The following MACROD2 variants were observed in gnomAD, a reference collection of about 807,000 sequenced individuals.
MACROD2 encodes ADP-ribose glycohydrolase MACROD2.
In MACROD2, 36 loss-of-function variants were observed where a neutral mutation model predicts 70.4. That is an observed-to-expected ratio of 0.51 (90% CI 0.39 to 0.68). MACROD2 has a LOEUF of 0.68. MACROD2 is among the 30% of genes least tolerant of loss of function. The pLI, the probability that MACROD2 is intolerant of heterozygous loss-of-function variation, is 0.00. For synonymous variants in MACROD2, 172 were observed against 178.8 expected (o/e 0.96, Z 0.30); for missense variants, 496 against 538.4 (o/e 0.92, Z 0.78).
intron 8 of MACROD2, among the ~76,000 whole-genome samples, chr20:15,664,497 G>T (rs1252863844): frequency 6.6e-6 from 1 of 152,182 alleles, no homozygotes; most frequent in Non-Finnish European, 1.5e-5. Flanking sequence ...CTAATCATCA[G>T]AGGCTTAAAG....
intron 2 of MACROD2, among the ~76,000 whole-genome samples, chr20:14,071,255 T>TTTA (rs1555915762): frequency 1.1e-5 from 1 of 88,520 alleles, no homozygotes; most frequent in Admixed American, 1.2e-4. Context: ...ATCTTGTGTT[T>TTTA]TTTTTTTTTT....
intron 3 of MACROD2, among the ~76,000 whole-genome samples, chr20:14,204,024 T>G (rs2081502446): frequency 6.6e-6 from 1 of 152,178 alleles, no homozygotes; most frequent in Non-Finnish European, 1.5e-5. Context: ...CTTGGGCCCC[T>G]GAGTGGTACA....
At chr20:15,804,812 G>A (rs2063754544) in intron 8 of MACROD2, among the ~76,000 whole-genome samples, 1 of 152,086 alleles carries the variant, frequency 6.6e-6, no homozygotes, top group Admixed American at 6.6e-5. Context: ...CCCTGTTACA[G>A]CCCATTTAGC....
intron 3 of MACROD2, among the ~76,000 whole-genome samples, chr20:14,112,409 G>T (rs2054463304): frequency 5.9e-5 from 9 of 151,866 alleles, no homozygotes; most frequent in Admixed American, 5.9e-4. Context: ...TGAGGGGATG[G>T]ATACCCCATT....
chr20:15,806,636 ACTT>A (rs1188633902), intron 8 of MACROD2, among the ~76,000 whole-genome samples: 23 of 152,166 alleles, frequency 1.5e-4, no homozygotes, highest in African/African-American at 4.6e-4. Flanking sequence ...TCTAAACAAA[ACTT>A]CTTATCAGAC....
chr20:15,273,332 C>T (rs2077362189), intron 6 of MACROD2, among the ~76,000 whole-genome samples: 1 of 152,000 alleles, frequency 6.6e-6, no homozygotes, highest in Non-Finnish European at 1.5e-5. Flanking sequence ...TTTGGTGACT[C>T]GGACTGGCTC....
chr20:14,296,644 C>T (rs1189451455), intron 3 of MACROD2, among the ~76,000 whole-genome samples: 1 of 151,830 alleles, frequency 6.6e-6, no homozygotes, highest in Admixed American at 6.6e-5. Context: ...AACTATTAAG[C>T]AAAGCAAGTA....
At chr20:14,289,046 C>G (rs926112938) in intron 3 of MACROD2, among the ~76,000 whole-genome samples, 3 of 152,152 alleles carry the variant, frequency 2.0e-5, no homozygotes, top group Non-Finnish European at 4.4e-5. Context: ...AGCTTCCACA[C>G]CAGCCCTGAG....
At chr20:14,024,760 T>C (rs2053135971) in intron 2 of MACROD2, among the ~76,000 whole-genome samples, 1 of 152,250 alleles carries the variant, frequency 6.6e-6, no homozygotes. Flanking sequence ...GATATGCTGC[T>C]GAATTCGGTT....
At chr20:15,102,220 G>A (rs369829590) in intron 5 of MACROD2, among the ~76,000 whole-genome samples, 16 of 151,838 alleles carry the variant, frequency 1.1e-4, no homozygotes, top group South Asian at 4.2e-4. Context: ...AAAAACGTTC[G>A]ATCTCATTAA....
At chr20:14,232,541 C>A (rs571648390) in intron 3 of MACROD2, among the ~76,000 whole-genome samples, 1 of 152,350 alleles carries the variant, frequency 6.6e-6, no homozygotes, top group Non-Finnish European at 1.5e-5. Context: ...GAGATGGCTT[C>A]TTTCCTTAAA....
intron 6 of MACROD2, among the ~76,000 whole-genome samples, chr20:15,379,652 A>T (rs1344708465): frequency 6.6e-6 from 1 of 152,106 alleles, no homozygotes; most frequent in East Asian, 1.9e-4. Flanking sequence ...TGGAAAATGT[A>T]TGTCTAATTT....
chr20:14,077,510 C>T (rs2053929543), intron 2 of MACROD2, among the ~76,000 whole-genome samples: 1 of 152,122 alleles, frequency 6.6e-6, no homozygotes, highest in South Asian at 2.1e-4. Context: ...GTAAGTTAAA[C>T]TACTAAAAAT....
At chr20:15,602,779 C>A (rs2048839720) in intron 8 of MACROD2, among the ~76,000 whole-genome samples, 1 of 152,144 alleles carries the variant, frequency 6.6e-6, no homozygotes, top group African/African-American at 2.4e-5. Flanking sequence ...GGAAAGTAGA[C>A]ATATGCATAA....
chr20:15,014,637 G>A (rs758518987), intron 5 of MACROD2, among the ~76,000 whole-genome samples: 10 of 152,124 alleles, frequency 6.6e-5, no homozygotes, highest in Non-Finnish European at 1.3e-4. Context: ...GTACTGAATC[G>A]CTAAAATAAA....
intron 15 of MACROD2, among the ~76,000 whole-genome samples, chr20:16,033,428 C>T (rs1742159698): frequency 6.6e-6 from 1 of 152,026 alleles, no homozygotes; most frequent in Non-Finnish European, 1.5e-5. Flanking sequence ...GCACAATATG[C>T]TGGCTGTATA....
chr20:15,622,037 A>G (rs12624807), intron 8 of MACROD2, among the ~76,000 whole-genome samples: 8,119 of 152,214 alleles, frequency 0.053, 335 homozygotes, highest in South Asian at 0.11. Flanking sequence ...GGGGCTGCTA[A>G]TGGTGGCTCA....
At chr20:15,990,159 G>A (rs1009396107) in intron 15 of MACROD2, among the ~76,000 whole-genome samples, 3 of 152,112 alleles carry the variant, frequency 2.0e-5, no homozygotes, top group South Asian at 2.1e-4. Context: ...ATATAGCCAC[G>A]TTGCCTCTTC....
At chr20:14,360,422 A>C (rs2083210581) in intron 3 of MACROD2, among the ~76,000 whole-genome samples, 1 of 152,210 alleles carries the variant, frequency 6.6e-6, no homozygotes, top group Admixed American at 6.5e-5. Flanking sequence ...TTTTAAAGGC[A>C]AGAAATGTCT....
Sources: allele counts gnomAD v4.1 joint callset (sites outside exome capture counted in the v4.1 genomes callset), GRCh38; gene constraint gnomAD v4.1.1; transcripts MANE v1.5; gene names NCBI Gene and HGNC (gene_info 2026-07-23, HGNC 2026-07-21).